The following MDGA2 variants were observed in gnomAD, a reference collection of about 807,000 sequenced individuals.
The protein encoded by MDGA2 is MAM domain containing glycosylphosphatidylinositol anchor 2, also known as MAM domain-containing glycosylphosphatidylinositol anchor protein 2.
In MDGA2, 40 loss-of-function variants were observed where a neutral mutation model predicts 117.8. The ratio of observed to expected loss-of-function variants is 0.34; its 90% CI spans 0.26 to 0.44. The LOEUF is 0.44. MDGA2 is among the 20% of genes least tolerant of loss of function. MDGA2 has a pLI of 1.00. For missense variants in MDGA2, 1,123 were observed against 1,250.6 expected (o/e 0.90, Z 1.54); for synonymous variants, 452 against 439.0 (o/e 1.03, Z -0.37).
At chr14:47,390,048 C>T (rs1386218708) in intron 1 of MDGA2, among the ~76,000 whole-genome samples, 2 of 152,102 alleles carry the variant, frequency 1.3e-5, no homozygotes, top group Non-Finnish European at 2.9e-5. Flanking sequence ...CCCTTAGACT[C>T]TTAGTTGTGC....
intron 8 of MDGA2, among the ~76,000 whole-genome samples, chr14:46,994,183 G>T (rs1887199154): frequency 6.6e-6 from 1 of 152,150 alleles, no homozygotes; most frequent in Admixed American, 6.6e-5. Flanking sequence ...TGCTCGGAAG[G>T]TAATGCCCAT....
intron 15 of MDGA2, among the ~76,000 whole-genome samples, chr14:46,850,912 C>T (rs1285984300): frequency 2.0e-5 from 3 of 151,814 alleles, no homozygotes; most frequent in African/African-American, 7.2e-5. Flanking sequence ...AAGTCAGGAG[C>T]CACCATTGTG....
intron 8 of MDGA2, among the ~76,000 whole-genome samples, chr14:47,021,581 C>T (rs1367085549): frequency 6.6e-6 from 1 of 152,072 alleles, no homozygotes; most frequent in Non-Finnish European, 1.5e-5. Context: ...ACACAGATAA[C>T]TTGTTGCAAT....
intron 9 of MDGA2, among the ~76,000 whole-genome samples, chr14:46,939,987 C>T (rs991201244): frequency 2.0e-5 from 3 of 152,136 alleles, no homozygotes; most frequent in African/African-American, 7.2e-5. Flanking sequence ...ATAGGAACTA[C>T]ATCTACTTCA....
intron 5 of MDGA2, among the ~76,000 whole-genome samples, chr14:47,114,452 C>T (rs1345899477): frequency 6.6e-6 from 1 of 151,990 alleles, no homozygotes; most frequent in Non-Finnish European, 1.5e-5. Flanking sequence ...CAAAAAGAGC[C>T]CATATAGCCA....
intron 1 of MDGA2, among the ~76,000 whole-genome samples, chr14:47,647,381 C>A (rs896225580): frequency 6.6e-6 from 1 of 151,838 alleles, no homozygotes; most frequent in African/African-American, 2.4e-5. Context: ...CTTGGGATGA[C>A]TTTTCCTTAT....
At chr14:46,868,382 A>T (rs1595007608) in intron 14 of MDGA2, among the ~76,000 whole-genome samples, 1 of 151,978 alleles carries the variant, frequency 6.6e-6, no homozygotes, top group East Asian at 1.9e-4. Flanking sequence ...GCAGGGTGTC[A>T]TCAGAAGAGA....
chr14:46,982,734 A>AAAAAAT (rs1449356596), intron 8 of MDGA2, among the ~76,000 whole-genome samples: 19 of 130,398 alleles, frequency 1.5e-4, no homozygotes, highest in East Asian at 2.0e-4. Flanking sequence ...AAAAAAAAAA[A>AAAAAAT]AATCATGTCA....
intron 8 of MDGA2, among the ~76,000 whole-genome samples, chr14:47,021,511 C>G (rs1032119486): frequency 1.3e-5 from 2 of 152,086 alleles, no homozygotes; most frequent in African/African-American, 4.8e-5. Flanking sequence ...ATGCCTCTAG[C>G]CTTCAATCTC....
chr14:47,211,004 A>C (rs904987508), intron 3 of MDGA2, among the ~76,000 whole-genome samples: 6 of 152,332 alleles, frequency 3.9e-5, no homozygotes, highest in African/African-American at 1.2e-4. Context: ...AACATAAAAA[A>C]AGAAAGTTAC....
chr14:47,286,339 G>T (rs915541996), intron 2 of MDGA2, among the ~76,000 whole-genome samples: 1 of 151,948 alleles, frequency 6.6e-6, no homozygotes, highest in African/African-American at 2.4e-5. Context: ...CTATCAAACT[G>T]TATGTTTTAC....
chr14:46,857,169 A>C (rs975494827), intron 14 of MDGA2, among the ~76,000 whole-genome samples: 1 of 152,226 alleles, frequency 6.6e-6, no homozygotes, highest in Non-Finnish European at 1.5e-5. Flanking sequence ...AAATTATAAG[A>C]AGAAAGGAAA....
rs921391434 is a variant in MDGA2 at position 46,945,424 on chromosome 14, G to C, written c.2089+11950C>G. Among the ~76,000 whole-genome samples the C allele has an allele frequency of 5.3e-5, 8 of 151,918 alleles. No homozygotes were observed. The South Asian group carries it at 1.5e-3, about 28-fold the overall frequency. On this transcript the variant is annotated intron_variant, in intron 9 of 16. Transcript: ENST00000399232. ...ATCTACCTGATGAGCTGAAATTCTGGCTTCCTTTAAGCATTGCTAGAACTC... is the reference window on the plus strand; with the variant it reads ...ATCTACCTGATGAGCTGAAATTCTGCCTTCCTTTAAGCATTGCTAGAACTC...
intron 7 of MDGA2, among the ~76,000 whole-genome samples, chr14:47,046,706 T>C (rs977793040): frequency 6.6e-6 from 1 of 152,098 alleles, no homozygotes; most frequent in African/African-American, 2.4e-5. Flanking sequence ...ACCTTAAAAG[T>C]TGAATACTGC....
chr14:47,237,017 T>C (rs956417523), intron 2 of MDGA2, among the ~76,000 whole-genome samples: 2 of 152,176 alleles, frequency 1.3e-5, no homozygotes, highest in African/African-American at 2.4e-5. Flanking sequence ...GGAGTACTTA[T>C]AATATTCAGG....
At chr14:47,179,636 T>C (rs1391034935) in intron 3 of MDGA2, among the ~76,000 whole-genome samples, 3 of 152,210 alleles carry the variant, frequency 2.0e-5, no homozygotes, top group East Asian at 3.9e-4. Flanking sequence ...GATTTAATTA[T>C]ATACACATCA....
At chr14:47,301,222 C>T (rs1359449214) in intron 2 of MDGA2, among the ~76,000 whole-genome samples, 189 bp downstream of exon 2, 4 of 151,832 alleles carry the variant, frequency 2.6e-5, no homozygotes, top group South Asian at 4.2e-4. Flanking sequence ...TTGAATGTTC[C>T]GAAATCCACA....
chr14:46,863,257 C>T (rs1350513209), intron 14 of MDGA2, among the ~76,000 whole-genome samples: 1 of 152,080 alleles, frequency 6.6e-6, no homozygotes, highest in African/African-American at 2.4e-5. Context: ...GTCTTCTCTC[C>T]CTTGTTCACC....
At chr14:47,604,100 CT>C (rs1425462611) in intron 1 of MDGA2, among the ~76,000 whole-genome samples, 1 of 152,084 alleles carries the variant, frequency 6.6e-6, no homozygotes, top group Admixed American at 6.6e-5. Flanking sequence ...ACAGGTATTA[CT>C]TTATAGCAAT....
Sources: gnomAD v4.1 joint callset for allele counts (sites outside exome capture counted in the v4.1 genomes callset) on GRCh38, gnomAD v4.1.1 for gene constraint, MANE v1.5 for transcripts, NCBI Gene and HGNC (gene_info 2026-07-23, HGNC 2026-07-21) for gene names.